The following VPS53 variants were observed in gnomAD, a reference collection of about 807,000 sequenced individuals.
VPS53 encodes the protein vacuolar protein sorting-associated protein 53 homolog.
A neutral mutation model predicts 107.0 loss-of-function variants in VPS53; 70 were observed. The observed-to-expected ratio is 0.65, with a 90% CI of 0.54 to 0.80. The LOEUF (loss-of-function observed/expected upper bound fraction) is 0.80, where lower values mean the gene tolerates loss of function less well. Among genes scored for constraint, VPS53 ranks in the 30% least tolerant of loss-of-function variants. The pLI is 0.00. For synonymous variants in VPS53, 409 were observed against 393.3 expected (o/e 1.04, Z -0.47); for missense variants, 917 against 1,049.4 (o/e 0.87, Z 1.74).
At chr17:640,342 G>A (rs897065308) in intron 7 of VPS53, among the ~76,000 whole-genome samples, 4 of 152,172 alleles carry the variant, frequency 2.6e-5, no homozygotes, top group East Asian at 1.9e-4. Context: ...GACCCCTTGC[G>A]CTTCCCGGGT....
chr17:536,880 T>C, intron 18 of VPS53, 148 bp downstream of exon 18: 2 of 979,882 alleles, frequency 2.0e-6, no homozygotes, highest in East Asian at 2.7e-5. Context: ...GTGTCGGTAA[T>C]GGGAAGACTG....
intron 4 of VPS53, among the ~76,000 whole-genome samples, chr17:677,819 T>G (rs1350782493): frequency 6.6e-6 from 1 of 152,128 alleles, no homozygotes; most frequent in Non-Finnish European, 1.5e-5. Context: ...ACCAAGCTAC[T>G]TGCCAAGAAA....
chr17:578,558 G>A (rs577364927), intron 13 of VPS53, among the ~76,000 whole-genome samples: 1 of 144,146 alleles, frequency 6.9e-6, no homozygotes, highest in African/African-American at 2.6e-5. Context: ...AATTTAATGC[G>A]TTCCCAGAGA....
rs60940748 is a variant in VPS53, at chr17:546,870, CTTTTTTTTTTT to C, written c.1866+4991_1866+5001del. The stretch of plus-strand genomic sequence containing the variant: ...TTCCATTCCTTAGGTCCCTTAGATC[CTTTTTTTTTTT>C]TTTTTTTTTTTGAGACAGAGTCTCC... On this transcript the variant is annotated intron_variant, in intron 17 of 21. Transcript: ENST00000437048. Among the ~76,000 whole-genome samples the C allele has an allele frequency of 1.2e-4, 10 of 83,334 alleles. No individual in the cohort carries two copies. In the South Asian group the frequency reaches 1.9e-3, roughly 15 times the overall value. The allele number at this position is 83,334 out of a possible 152,430, so 54.7% of individuals were successfully genotyped here. A position where few individuals can be genotyped will look rare whatever the true frequency, so the allele number is the denominator to read the frequency against.
chr17:626,305 T>C (rs1277114038), intron 10 of VPS53, among the ~76,000 whole-genome samples: 1 of 152,116 alleles, frequency 6.6e-6, no homozygotes, highest in Non-Finnish European at 1.5e-5. Context: ...AAAGAGACTA[T>C]CTGTCCTTGG....
At chr17:662,257 G>C (rs1189013362) in intron 4 of VPS53, among the ~76,000 whole-genome samples, 17 of 152,126 alleles carry the variant, frequency 1.1e-4, no homozygotes, top group Admixed American at 8.5e-4. Context: ...TCTAAATTGG[G>C]GCAAGGGAAA....
intron 3 of VPS53, among the ~76,000 whole-genome samples, chr17:698,632 G>A (rs1002174622): frequency 6.6e-6 from 1 of 151,666 alleles, no homozygotes; most frequent in African/African-American, 2.4e-5. Context: ...GAGCCCAGGA[G>A]TTCGAGGCTG....
chr17:672,405 T>C (rs1474870538), intron 4 of VPS53, among the ~76,000 whole-genome samples: 1 of 152,202 alleles, frequency 6.6e-6, no homozygotes, highest in East Asian at 1.9e-4. Context: ...AATGAGTTTA[T>C]AAAGCACTCA....
intron 17 of VPS53, among the ~76,000 whole-genome samples, chr17:541,216 G>T (rs1203087376): frequency 6.6e-6 from 1 of 152,206 alleles, no homozygotes; most frequent in Non-Finnish European, 1.5e-5. Context: ...GCCTGGTGGG[G>T]CTTTCACTCC....
chr17:585,128 T>C (rs548098962), intron 13 of VPS53, among the ~76,000 whole-genome samples: 3 of 152,174 alleles, frequency 2.0e-5, no homozygotes, highest in East Asian at 1.9e-4. Flanking sequence ...AGGAGAAAAA[T>C]AGTAACTTCA....
At chr17:521,148 A>G (rs1908721178) in intron 20 of VPS53, among the ~76,000 whole-genome samples, 1 of 152,212 alleles carries the variant, frequency 6.6e-6, no homozygotes, top group Non-Finnish European at 1.5e-5. Context: ...GTCTTGTTAA[A>G]TGGGGCTTTA....
At chr17:652,606 G>A (rs910492488) in intron 7 of VPS53, among the ~76,000 whole-genome samples, 1 of 152,214 alleles carries the variant, frequency 6.6e-6, no homozygotes, top group Non-Finnish European at 1.5e-5. Context: ...GCACCAAGGA[G>A]CCAGCCATGA....
At position 520,624 on chromosome 17, in the gene VPS53, G is replaced by A. The variant is rs1360006982; in HGVS notation, c.2224-694C>T. ...AGTATCTGATTTTCTTTCCCCAGCCGACTGATTTGTTTTGAATTCCTGAGA... is the reference window on the plus strand; with the variant it reads ...AGTATCTGATTTTCTTTCCCCAGCCAACTGATTTGTTTTGAATTCCTGAGA... On this transcript the variant is annotated intron_variant, in intron 20 of 21. Coordinates refer to ENST00000437048, the MANE Select transcript of VPS53 (RefSeq NM_001128159.3). The surrounding 1 kb of genome is among the most constrained non-coding windows in gnomAD (Gnocchi z 4.4). 2.0e-5 allele frequency among the ~76,000 whole-genome samples: 3 copies of A among 152,162 alleles called. No individual in the cohort carries two copies. Among genetic ancestry groups the A allele is most frequent in the Non-Finnish European group, 2.9e-5 (2 of 68,022 alleles).
chr17:601,479 C>T (rs748083499), intron 12 of VPS53, among the ~76,000 whole-genome samples: 4 of 152,138 alleles, frequency 2.6e-5, no homozygotes, highest in Non-Finnish European at 5.9e-5. Flanking sequence ...GACAGTCAAA[C>T]CAAAAACTCA....
chr17:610,070 G>A (rs1482449437), intron 11 of VPS53, among the ~76,000 whole-genome samples: 1 of 151,710 alleles, frequency 6.6e-6, no homozygotes, highest in Non-Finnish European at 1.5e-5. Context: ...GGCAGAGCTT[G>A]CAGTGAGCCG....
chr17:537,864 C>A (rs529940794), intron 17 of VPS53: 1 of 152,070 alleles, frequency 6.6e-6, no homozygotes, highest in Non-Finnish European at 1.5e-5. Context: ...TAGAATCTTA[C>A]ACTCCTAAAA....
chr17:604,984 A>T (rs1419511703), intron 11 of VPS53, among the ~76,000 whole-genome samples: 1 of 152,204 alleles, frequency 6.6e-6, no homozygotes, highest in Admixed American at 6.5e-5. Flanking sequence ...ACAGTCACAC[A>T]AACAGTGAGA....
At chr17:661,661 G>T in intron 5 of VPS53, 148 bp downstream of exon 5, 1 of 676,704 alleles carries the variant, frequency 1.5e-6, no homozygotes. Context: ...TGATCTGAAC[G>T]CATTCATAGG....
At chr17:712,062 C>T (rs966612447) in intron 1 of VPS53, among the ~76,000 whole-genome samples, 1 of 151,798 alleles carries the variant, frequency 6.6e-6, no homozygotes, top group Non-Finnish European at 1.5e-5. Flanking sequence ...GTGATCCACC[C>T]GCCTCGGCCT....
Sources: gnomAD v4.1 joint callset for allele counts (sites outside exome capture counted in the v4.1 genomes callset) on GRCh38, gnomAD v4.1.1 for gene constraint, Gnocchi (gnomAD v3.1) non-coding constraint, MANE v1.5 for transcripts, NCBI Gene and HGNC (gene_info 2026-07-23, HGNC 2026-07-21) for gene names.